Variants in ROBO1 observed in about 807,000 individuals in gnomAD.
ROBO1 encodes the protein roundabout homolog 1.
In ROBO1, 149 loss-of-function variants were observed where a neutral mutation model predicts 195.9. The observed-to-expected ratio is 0.76, with a 90% confidence interval of 0.67 to 0.87. The LOEUF is 0.87. ROBO1 is among the 40% of genes least tolerant of loss of function. ROBO1 has a pLI of 0.00. For missense variants in ROBO1, 1,933 were observed against 2,068.3 expected (o/e 0.93, Z 1.27); for synonymous variants, 816 against 733.2 (o/e 1.11, Z -1.82).
intron 2 of ROBO1, among the ~76,000 whole-genome samples, chr3:79,446,900 T>G (rs955993190): frequency 1.3e-5 from 2 of 152,158 alleles, no homozygotes; most frequent in Non-Finnish European, 2.9e-5. Context: ...CTCGGCTCAC[T>G]GTGACCTCCG....
At chr3:79,381,294 T>A (rs1472089432) in intron 2 of ROBO1, among the ~76,000 whole-genome samples, 1 of 140,442 alleles carries the variant, frequency 7.1e-6, no homozygotes, top group East Asian at 2.1e-4. Context: ...GAGGCAGAGG[T>A]TGCAGTGAGC....
intron 4 of ROBO1, among the ~76,000 whole-genome samples, chr3:78,774,318 T>G (rs2083449755): frequency 6.6e-6 from 1 of 152,092 alleles, no homozygotes; most frequent in Admixed American, 6.5e-5. Flanking sequence ...GCTAAAAGTT[T>G]TTTTTTTTTT....
chr3:79,301,051 T>C (rs1055839060), intron 2 of ROBO1, among the ~76,000 whole-genome samples: 1 of 152,026 alleles, frequency 6.6e-6, no homozygotes, highest in African/African-American at 2.4e-5. Flanking sequence ...GTGGCAACCC[T>C]CTCGGGTCAC....
intron 4 of ROBO1, among the ~76,000 whole-genome samples, chr3:78,905,623 AC>A (rs1352181556): frequency 6.6e-6 from 1 of 152,092 alleles, no homozygotes; most frequent in Non-Finnish European, 1.5e-5. Flanking sequence ...ACACACACAC[AC>A]AAAAACTCTA....
intron 8 of ROBO1, among the ~76,000 whole-genome samples, chr3:78,704,129 A>C (rs1042400228): frequency 6.6e-6 from 1 of 152,186 alleles, no homozygotes; most frequent in Non-Finnish European, 1.5e-5. Context: ...AGGTCCCTTG[A>C]CACTATTAGT....
intron 2 of ROBO1, among the ~76,000 whole-genome samples, chr3:79,474,636 G>C (rs1365564199): frequency 6.6e-6 from 1 of 151,868 alleles, no homozygotes; most frequent in Non-Finnish European, 1.5e-5. Flanking sequence ...TTGTTTATTT[G>C]TTTTATGCAT....
intron 2 of ROBO1, among the ~76,000 whole-genome samples, chr3:79,504,842 T>C (rs1018092145): frequency 1.3e-5 from 2 of 152,082 alleles, no homozygotes; most frequent in African/African-American, 4.8e-5. Context: ...GTTGGGCATA[T>C]GTGTGTGTAT....
At chr3:78,615,620 T>C (rs145928688) in intron 27 of ROBO1, among the ~76,000 whole-genome samples, 1 of 152,222 alleles carries the variant, frequency 6.6e-6, no homozygotes, top group Non-Finnish European at 1.5e-5. Context: ...TGGAGATATA[T>C]TGGTCCTATG....
intron 26 of ROBO1, among the ~76,000 whole-genome samples, chr3:78,622,843 T>A (rs1224217684): frequency 6.6e-6 from 1 of 152,174 alleles, no homozygotes; most frequent in East Asian, 1.9e-4. Context: ...ACCTGGAGGA[T>A]AAGACTCCAT....
At chr3:79,228,261 T>C (rs1426659228) in intron 2 of ROBO1, among the ~76,000 whole-genome samples, 3 of 152,112 alleles carry the variant, frequency 2.0e-5, no homozygotes, top group East Asian at 1.9e-4. Context: ...AGCTGCAAAA[T>C]TGGATAATTT....
chr3:79,277,533 A>G (rs551364775), intron 2 of ROBO1, among the ~76,000 whole-genome samples: 31 of 152,192 alleles, frequency 2.0e-4, no homozygotes, highest in African/African-American at 7.0e-4. Context: ...AAATATGGTT[A>G]TATAGAATAA....
intron 2 of ROBO1, among the ~76,000 whole-genome samples, chr3:79,290,183 G>A (rs537707420): frequency 8.6e-5 from 13 of 152,002 alleles, no homozygotes; most frequent in African/African-American, 3.1e-4. Flanking sequence ...GGAGTAGTCC[G>A]CCACCATGCC....
rs549034591 is a variant in ROBO1 at position 79,560,535 on chromosome 3, T to TTATATA, written c.88+29283_88+29288dup. On this transcript the variant is annotated intron_variant, in intron 2 of 30. Coordinates refer to ENST00000464233, the MANE Select transcript of ROBO1 (RefSeq NM_002941.4). ...AAAACTTAAAGTATAATAATAATAA[T>TTATATA]TATATATATATATATATATATATAC... 1.8e-3 allele frequency among the ~76,000 whole-genome samples: 202 copies of TTATATA among 115,148 alleles called. 5 individuals carry two copies. Among genetic ancestry groups the TTATATA allele is most frequent in the African/African-American group, 5.0e-3 (128 of 25,388 alleles). The allele number at this position is 115,148 out of a possible 152,430, so 75.5% of individuals were successfully genotyped here. A position where few individuals can be genotyped will look rare whatever the true frequency, so the allele number is the denominator to read the frequency against.
At chr3:78,765,262 A>G (rs1003949348) in intron 4 of ROBO1, among the ~76,000 whole-genome samples, 2 of 152,108 alleles carry the variant, frequency 1.3e-5, no homozygotes, top group Non-Finnish European at 2.9e-5. Flanking sequence ...GGTCCACCCT[A>G]AAGTTTTGAT....
At chr3:79,342,199 C>T (rs2034933954) in intron 2 of ROBO1, among the ~76,000 whole-genome samples, 2 of 152,082 alleles carry the variant, frequency 1.3e-5, no homozygotes, top group Non-Finnish European at 1.5e-5. Flanking sequence ...AGAGTTTAGA[C>T]TTGATATGGT....
chr3:79,567,194 C>G (rs772180141), intron 2 of ROBO1, among the ~76,000 whole-genome samples: 10 of 152,036 alleles, frequency 6.6e-5, no homozygotes, highest in Non-Finnish European at 8.8e-5. Context: ...TAAGTGGGAG[C>G]TGAACGATGA....
intron 2 of ROBO1, among the ~76,000 whole-genome samples, chr3:79,509,677 C>A (rs925877040): frequency 1.9e-4 from 29 of 152,098 alleles, no homozygotes; most frequent in African/African-American, 6.8e-4. Flanking sequence ...TTAACACAAG[C>A]TGGATGTGTG....
In ROBO1 at chr3:78,856,296, A is replaced by G. The variant is rs1371278752; in HGVS notation, c.499+82305T>C. Among the ~76,000 whole-genome samples the G allele has an allele frequency of 2.6e-5, 4 of 151,176 alleles. No homozygotes were observed. The East Asian group carries it at 7.7e-4, about 29-fold the overall frequency. On this transcript the variant is annotated intron_variant, in intron 4 of 30. Coordinates refer to ENST00000464233, the MANE Select transcript of ROBO1 (RefSeq NM_002941.4). Reference sequence around the variant, plus strand: ...ACAAATAACCTAGCAAAAAAAAGAAAAAAAAAAAAAAACAGTATGAGAAAA... The same window carrying G: ...ACAAATAACCTAGCAAAAAAAAGAAGAAAAAAAAAAAACAGTATGAGAAAA...
At chr3:78,977,905 T>C (rs1001513833) in intron 3 of ROBO1, among the ~76,000 whole-genome samples, 2 of 152,162 alleles carry the variant, frequency 1.3e-5, no homozygotes, top group Admixed American at 6.5e-5. Flanking sequence ...GCTGTTTTAA[T>C]GTATATAAAT....
Sources: allele counts gnomAD v4.1 joint callset (sites outside exome capture counted in the v4.1 genomes callset), GRCh38; gene constraint gnomAD v4.1.1; transcripts MANE v1.5; gene names NCBI Gene and HGNC (gene_info 2026-07-23, HGNC 2026-07-21).